Variants in SYNE1 observed in about 807,000 individuals in gnomAD.
The protein encoded by SYNE1 is nesprin-1.
In SYNE1, 616 loss-of-function variants were observed where a neutral mutation model predicts 1,111.0. The observed-to-expected ratio is 0.55, with a 90% CI of 0.52 to 0.59. The LOEUF (loss-of-function observed/expected upper bound fraction) is 0.59. SYNE1 is among the 20% of genes least tolerant of loss of function. The probability of loss-of-function intolerance (pLI) is 0.00; values close to 1 mark genes in which losing one functional copy is unlikely to be tolerated. For missense variants in SYNE1, 10,006 were observed against 10,417.0 expected (o/e 0.96, Z 1.72); for synonymous variants, 3,855 against 3,825.8 (o/e 1.01, Z -0.28).
At position 152,244,560 on chromosome 6, in the gene SYNE1, T is replaced by G. The variant is rs1186609871; in HGVS notation, c.19669A>C (p.Met6557Leu). 1.2e-6 allele frequency: 2 copies of G among 1,614,122 alleles called. No homozygotes were observed. The highest frequency in any genetic ancestry group is 8.5e-7 in the Non-Finnish European group (1 of 1,179,950). ...GDKLQVEQPS[M>L]QELSKLQDMY... ...ACCTGGAGCTTGGAGAGTTCTTGCATGGACGGCTGCTCGACCTGTAGCTTG... is the reference window on the plus strand; with the variant it reads ...ACCTGGAGCTTGGAGAGTTCTTGCAGGGACGGCTGCTCGACCTGTAGCTTG... The change falls in exon 106 of 146, where the codon ATG becomes CTG. Residue 6557 changes from methionine to leucine, a missense_variant. Transcript: ENST00000367255.
intron 10 of SYNE1, among the ~76,000 whole-genome samples, chr6:152,499,346 A>C (rs1264789193): frequency 6.6e-6 from 1 of 152,096 alleles, no homozygotes. Context: ...GGAAAAGTTC[A>C]TCAGTTTTAT....
intron 101 of SYNE1, among the ~76,000 whole-genome samples, chr6:152,260,439 G>T (rs1378307407): frequency 6.6e-6 from 1 of 152,116 alleles, no homozygotes; most frequent in African/African-American, 2.4e-5. Context: ...TACGATTCTG[G>T]GACACCTGCT....
chr6:152,349,239 A>G (rs1454463348), intron 72 of SYNE1, among the ~76,000 whole-genome samples: 2 of 152,234 alleles, frequency 1.3e-5, no homozygotes, highest in African/African-American at 2.4e-5. Flanking sequence ...CTAAAAATAC[A>G]TATTATTAAG....
intron 18 of SYNE1, among the ~76,000 whole-genome samples, chr6:152,463,787 C>T (rs555329545): frequency 1.3e-5 from 2 of 152,238 alleles, no homozygotes; most frequent in East Asian, 3.9e-4. Flanking sequence ...TTCTGTTTTA[C>T]AGATTAAAAA....
chr6:152,505,129 T>A, intron 9 of SYNE1, 72 bp downstream of exon 9: 1 of 1,523,766 alleles, frequency 6.6e-7, no homozygotes, highest in South Asian at 1.1e-5. Flanking sequence ...GGAAGTCATG[T>A]GTATTTCTGG....
chr6:152,455,288 A>C, intron 24 of SYNE1, 138 bp downstream of exon 24: 1 of 866,538 alleles, frequency 1.2e-6, no homozygotes. Flanking sequence ...TTTGGGTCTC[A>C]TACCTAAAAA....
intron 3 of SYNE1, among the ~76,000 whole-genome samples, chr6:152,552,233 C>G (rs960475498): frequency 3.3e-5 from 5 of 152,142 alleles, no homozygotes; most frequent in Non-Finnish European, 5.9e-5. Context: ...ACAAACATGA[C>G]TGTTCTCAGA....
At chr6:152,341,624 A>T (rs1356120940) in intron 74 of SYNE1, among the ~76,000 whole-genome samples, 3 of 152,168 alleles carry the variant, frequency 2.0e-5, no homozygotes, top group Non-Finnish European at 4.4e-5. Context: ...TGTTGGGGAT[A>T]CACACTGCAT....
chr6:152,232,299 G>A, intron 112 of SYNE1, 34 bp from the exon 113 acceptor site: 1 of 1,612,998 alleles, frequency 6.2e-7, no homozygotes. Flanking sequence ...AGTCCCAAGT[G>A]TTAAAATGGA....
At chr6:152,604,489 C>G (rs535304647) in intron 3 of SYNE1, among the ~76,000 whole-genome samples, 9 of 151,788 alleles carry the variant, frequency 5.9e-5, no homozygotes, top group African/African-American at 1.7e-4. Context: ...TTTTTTGTAG[C>G]GATAAGGTTT....
At chr6:152,230,385 A>T (rs970891164) in intron 115 of SYNE1, among the ~76,000 whole-genome samples, 162 bp downstream of exon 115, 26 of 152,304 alleles carry the variant, frequency 1.7e-4, no homozygotes, top group African/African-American at 5.5e-4. Context: ...ATGTATTTTA[A>T]AAAAAACCCT....
intron 6 of SYNE1, among the ~76,000 whole-genome samples, 161 bp from the exon 7 acceptor site, chr6:152,511,264 A>G (rs1342117428): frequency 6.6e-6 from 1 of 152,202 alleles, no homozygotes; most frequent in Non-Finnish European, 1.5e-5. Context: ...AAACAAGCAC[A>G]AGGTTTCAGT....
rs570297822 is a variant in SYNE1 at position 152,273,970 on chromosome 6, A to C, written c.18573+4119T>G. On this transcript the variant is annotated intron_variant, in intron 98 of 145. Coordinates refer to ENST00000367255, the MANE Select transcript of SYNE1 (RefSeq NM_182961.4). Reference sequence around the variant, plus strand: ...CGGTAGGGTGGGGCAAGGGAGTAATAAGAGCTTTATAAATGATTGCTATCC... The same window carrying C: ...CGGTAGGGTGGGGCAAGGGAGTAATCAGAGCTTTATAAATGATTGCTATCC... Among the ~76,000 whole-genome samples, 5 of 152,312 alleles carry C rather than the reference A, an allele frequency of 3.3e-5. No homozygotes were observed. The East Asian group carries it at 9.7e-4, about 29-fold the overall frequency.
intron 3 of SYNE1, among the ~76,000 whole-genome samples, chr6:152,581,270 C>T (rs2128420438): frequency 6.6e-6 from 1 of 152,248 alleles, no homozygotes; most frequent in East Asian, 1.9e-4. Flanking sequence ...CCTAGTGGGC[C>T]AGGGACTGGA....
intron 3 of SYNE1, among the ~76,000 whole-genome samples, chr6:152,575,166 G>A (rs2099491457): frequency 6.6e-6 from 1 of 152,140 alleles, no homozygotes; most frequent in Non-Finnish European, 1.5e-5. Flanking sequence ...TCTTCAATCT[G>A]GGAATGTAAT....
intron 137 of SYNE1, chr6:152,144,163 A>T (rs774869184): frequency 3.2e-6 from 1 of 308,934 alleles, no homozygotes; most frequent in African/African-American, 2.2e-5. Context: ...TCTTTCTGCT[A>T]TCGCTTAGTG....
chr6:152,456,714 G>A (rs1290677103), intron 22 of SYNE1: 8 of 450,028 alleles, frequency 1.8e-5, no homozygotes, highest in African/African-American at 6.0e-5. Flanking sequence ...GATTTTGGCA[G>A]TAGACAGCAT....
chr6:152,321,671 C>G, intron 83 of SYNE1, 50 bp downstream of exon 83: 1 of 1,607,080 alleles, frequency 6.2e-7, no homozygotes, highest in Non-Finnish European at 8.5e-7. Context: ...AAAATCAGGG[C>G]AATTGTTTTT....
chr6:152,595,169 C>T (rs1160567139), intron 3 of SYNE1, among the ~76,000 whole-genome samples: 1 of 152,216 alleles, frequency 6.6e-6, no homozygotes, highest in Non-Finnish European at 1.5e-5. Context: ...ATCACTTCTA[C>T]ATTCTTCCTT....
Sources: allele counts gnomAD v4.1 joint callset (sites outside exome capture counted in the v4.1 genomes callset), GRCh38; gene constraint gnomAD v4.1.1; transcripts MANE v1.5; gene names NCBI Gene and HGNC (gene_info 2026-07-23, HGNC 2026-07-21).